Variants in NUFIP2 observed in about 807,000 individuals in gnomAD.
The protein encoded by NUFIP2 is nuclear FMR1 interacting protein 2.
Under a neutral mutation model 56.9 loss-of-function variants are expected in NUFIP2, and 6 were observed. The observed-to-expected ratio is 0.11, with a 90% CI of 0.06 to 0.21. NUFIP2 has a LOEUF of 0.21. Among genes scored for constraint, NUFIP2 ranks in the 10% least tolerant of loss-of-function variants. NUFIP2 has a pLI of 1.00. For missense variants in NUFIP2, 828 were observed against 826.8 expected (o/e 1.00, Z -0.02); for synonymous variants, 321 against 298.2 (o/e 1.08, Z -0.79).
At chr17:29,275,516 A>G (rs1457304466) in intron 2 of NUFIP2, among the ~76,000 whole-genome samples, 2 of 152,226 alleles carry the variant, frequency 1.3e-5, no homozygotes, top group Non-Finnish European at 2.9e-5. Context: ...AGGAATTTAC[A>G]GAGGCAATGT....
chr17:29,284,706 C>CAAAAAAAAAAAAAAAAAAAA (rs66700326), intron 2 of NUFIP2, among the ~76,000 whole-genome samples: 15 of 53,584 alleles, frequency 2.8e-4, no homozygotes, highest in East Asian at 5.2e-4. Flanking sequence ...GACTCCATCT[C>CAAAAAAAAAAAAAAAAAAAA]AAAAAAAAAA....
At chr17:29,274,311 CATTTAA>C (rs1178401849) in intron 2 of NUFIP2, among the ~76,000 whole-genome samples, 14 of 152,156 alleles carry the variant, frequency 9.2e-5, no homozygotes, top group African/African-American at 3.1e-4. Flanking sequence ...GTCTACAAAA[CATTTAA>C]AAACTAGCTG....
Position 29,264,422 on chromosome 17 carries a change from T to C in NUFIP2, c.*117A>G, listed in dbSNP as rs2069022130. 2.0e-6 allele frequency: 1 copy of C among 500,562 alleles called. No individual in the cohort carries two copies. Among genetic ancestry groups the C allele is most frequent in the Non-Finnish European group, 3.7e-6 (1 of 269,594 alleles). The allele number at this position is 500,562 out of a possible 1,614,324, so 31.0% of individuals were successfully genotyped here. ...ATATATATTTGTATATATTATCCTG[T>C]GATTCTACTTATGGTTCCTCTGCTG... On this transcript the variant is annotated 3_prime_UTR_variant, in exon 4 of 4. Coordinates refer to ENST00000225388, the MANE Select transcript of NUFIP2 (RefSeq NM_020772.3).
chr17:29,278,028 G>A (rs971189672), intron 2 of NUFIP2, among the ~76,000 whole-genome samples: 3 of 151,890 alleles, frequency 2.0e-5, no homozygotes, highest in African/African-American at 7.3e-5. Context: ...GAAAGGGAAA[G>A]AAAAGAAAAA....
chr17:29,267,190 C>G (rs2069042656), intron 3 of NUFIP2, among the ~76,000 whole-genome samples: 1 of 151,690 alleles, frequency 6.6e-6, no homozygotes, highest in South Asian at 2.1e-4. Flanking sequence ...AGGCGTGAGC[C>G]ACCGTGCCCG....
At position 29,286,572 on chromosome 17, in the gene NUFIP2, A is replaced by G. The variant is rs758752293; in HGVS notation, c.1422T>C (p.Tyr474=). The change falls in exon 2 of 4, where the codon TAT becomes TAC. Residue 474 remains tyrosine, a synonymous_variant. Coordinates refer to ENST00000225388, the MANE Select transcript of NUFIP2 (RefSeq NM_020772.3). ...ACAGCATAGTTTGCATATTTGAAGG[A>G]TAGATAAAAAGGCTAGTCTTAATTT... is the stretch of plus-strand genomic sequence containing the variant. The part of the protein sequence containing the change: ...VEQIKTSLFI[Y]PSNMQTMLLS... 1 of 1,614,216 alleles carries G rather than the reference A, an allele frequency of 6.2e-7. No homozygotes were observed. Among genetic ancestry groups the G allele is most frequent in the South Asian group, 1.1e-5 (1 of 91,088 alleles).
intron 2 of NUFIP2, among the ~76,000 whole-genome samples, chr17:29,284,986 A>G (rs1695309085): frequency 6.6e-6 from 1 of 152,122 alleles, no homozygotes; most frequent in African/African-American, 2.4e-5. Flanking sequence ...TGAGCTCACT[A>G]TTAAAGACGC....
intron 1 of NUFIP2, among the ~76,000 whole-genome samples, chr17:29,290,270 T>A (rs182278894): frequency 1.3e-5 from 2 of 152,260 alleles, no homozygotes; most frequent in East Asian, 3.9e-4. Context: ...AAAGCTATGA[T>A]AGCCAATCAA....
At chr17:29,289,937 T>C (rs538007768) in intron 1 of NUFIP2, among the ~76,000 whole-genome samples, 1 of 152,308 alleles carries the variant, frequency 6.6e-6, no homozygotes, top group South Asian at 2.1e-4. Context: ...TTTTTTTCTT[T>C]TTTTGAGACA....
chr17:29,291,034 A>C (rs4516285), intron 1 of NUFIP2, among the ~76,000 whole-genome samples: 1 of 139,044 alleles, frequency 7.2e-6, no homozygotes, highest in Admixed American at 7.0e-5. Flanking sequence ...AGTTTTAATA[A>C]CAAAAAAAAA....
At position 29,257,288 on chromosome 17, in the gene NUFIP2, CAAAGTAGT is replaced by C. The variant is rs1180645967; in HGVS notation, c.*7243_*7250del. ...CCAAAGATGGTAAAGCTAACAACAG[CAAAGTAGT>C]AAGGACAAATCGGTCACTTTTGGTA... On this transcript the variant is annotated 3_prime_UTR_variant, in exon 4 of 4. Transcript: ENST00000225388. 1 of 152,152 alleles carries C rather than the reference CAAAGTAGT, an allele frequency of 6.6e-6. No homozygotes were observed. Among genetic ancestry groups the C allele is most frequent in the Admixed American group, 6.5e-5 (1 of 15,270 alleles). The allele number at this position is 152,152 out of a possible 1,614,324, so 9.4% of individuals were successfully genotyped here. A position where few individuals can be genotyped will look rare whatever the true frequency, so the allele number is the denominator to read the frequency against.
chr17:29,285,228 A>G (rs540909731), intron 2 of NUFIP2, among the ~76,000 whole-genome samples: 1 of 152,140 alleles, frequency 6.6e-6, no homozygotes, highest in African/African-American at 2.4e-5. Flanking sequence ...TGAACCCAAG[A>G]GGCGGAGGTT....
intron 3 of NUFIP2, among the ~76,000 whole-genome samples, chr17:29,266,671 A>G (rs1166339793): frequency 6.6e-6 from 1 of 151,944 alleles, no homozygotes; most frequent in African/African-American, 2.4e-5. Flanking sequence ...AAATACAGAG[A>G]AAGACCAGCC....
At chr17:29,269,304 G>A (rs1285581192) in intron 2 of NUFIP2, among the ~76,000 whole-genome samples, 1 of 152,110 alleles carries the variant, frequency 6.6e-6, no homozygotes, top group African/African-American at 2.4e-5. Context: ...AGGAAAAACT[G>A]AAACTCATTA....
chr17:29,279,288 CTTG>C (rs1274425474), intron 2 of NUFIP2, among the ~76,000 whole-genome samples: 2 of 152,268 alleles, frequency 1.3e-5, no homozygotes, highest in Non-Finnish European at 2.9e-5. Context: ...TTTCCCAAAT[CTTG>C]TTATGTAATC....
At chr17:29,277,025 T>C (rs2069112070) in intron 2 of NUFIP2, among the ~76,000 whole-genome samples, 1 of 152,228 alleles carries the variant, frequency 6.6e-6, no homozygotes. Context: ...TCTCAGCTAA[T>C]AGAACATTGT....
chr17:29,277,084 G>A (rs2069112467), intron 2 of NUFIP2, among the ~76,000 whole-genome samples: 1 of 152,186 alleles, frequency 6.6e-6, no homozygotes, highest in South Asian at 2.1e-4. Flanking sequence ...GAGTGCAACA[G>A]CACAATCTCG....
intron 2 of NUFIP2, among the ~76,000 whole-genome samples, chr17:29,276,082 A>G (rs1378884480): frequency 2.0e-5 from 3 of 150,794 alleles, no homozygotes; most frequent in African/African-American, 7.3e-5. Flanking sequence ...AAACTTTTCA[A>G]TGGATTCTCA....
At chr17:29,273,544 C>G (rs2069089403) in intron 2 of NUFIP2, among the ~76,000 whole-genome samples, 1 of 151,660 alleles carries the variant, frequency 6.6e-6, no homozygotes, top group African/African-American at 2.4e-5. Context: ...AGCACAAAAT[C>G]TAACTTGCCA....
Sources: gnomAD v4.1 joint callset for allele counts (sites outside exome capture counted in the v4.1 genomes callset) on GRCh38, gnomAD v4.1.1 for gene constraint, MANE v1.5 for transcripts, NCBI Gene and HGNC (gene_info 2026-07-23, HGNC 2026-07-21) for gene names.